Variants in ATP10D observed in about 807,000 individuals in gnomAD.
The protein encoded by ATP10D is phospholipid-transporting ATPase VD.
ATP10D carries 89 observed loss-of-function variants against 144.8 expected under a neutral mutation model. The observed-to-expected ratio is 0.61, with a 90% CI of 0.52 to 0.73. The LOEUF (loss-of-function observed/expected upper bound fraction) is 0.73. Among genes scored for constraint, ATP10D ranks in the 30% least tolerant of loss-of-function variants. The pLI is 0.00. For synonymous variants in ATP10D, 571 were observed against 615.1 expected (o/e 0.93, Z 1.06); for missense variants, 1,603 against 1,714.8 (o/e 0.93, Z 1.15).
At chr4:47,579,483 C>A (rs1378446407) in intron 19 of ATP10D, among the ~76,000 whole-genome samples, 1 of 152,140 alleles carries the variant, frequency 6.6e-6, no homozygotes, top group Middle Eastern at 3.2e-3. Context: ...GTGGGCACAG[C>A]TTTTAGACTG....
rs537244517 is a variant in ATP10D at position 47,572,296 on chromosome 4, A to G, written c.3240+66A>G. On this transcript the variant is annotated intron_variant, in intron 17 of 22. Coordinates refer to ENST00000273859, the MANE Select transcript of ATP10D (RefSeq NM_020453.4). Reference sequence around the variant, plus strand: ...TGCCCATCCAAAGGCAGCATTCTCCATGGTAAATTCTCTGTGGCAGAGTGA... The same window carrying G: ...TGCCCATCCAAAGGCAGCATTCTCCGTGGTAAATTCTCTGTGGCAGAGTGA... The G allele has an allele frequency of 4.9e-6, 7 of 1,426,262 alleles. No individual in the cohort carries two copies. In the Admixed American group the frequency reaches 6.7e-5, roughly 14 times the overall value. The allele number at this position is 1,426,262 out of a possible 1,614,324, so 88.4% of individuals were successfully genotyped here.
intron 3 of ATP10D, among the ~76,000 whole-genome samples, chr4:47,516,678 T>C (rs577371388): frequency 6.6e-6 from 1 of 152,354 alleles, no homozygotes; most frequent in Admixed American, 6.5e-5. Context: ...TTATGATCTA[T>C]CAAGAAAACA....
intron 1 of ATP10D, among the ~76,000 whole-genome samples, chr4:47,493,564 A>T (rs532312302): frequency 1.3e-5 from 2 of 152,012 alleles, no homozygotes; most frequent in East Asian, 3.8e-4. Context: ...TTAGTGTATG[A>T]CATGCACTTT....
chr4:47,507,019 A>G (rs1482073270), intron 1 of ATP10D, among the ~76,000 whole-genome samples: 1 of 152,204 alleles, frequency 6.6e-6, no homozygotes, highest in African/African-American at 2.4e-5. Flanking sequence ...TTAGTTGCCT[A>G]GAAGCCTCCC....
chr4:47,576,755 CCTT>C lies in ATP10D; in HGVS notation c.3367-14_3367-12del, dbSNP rs768510168. On this transcript the variant is annotated splice_polypyrimidine_tract_variant and intron_variant, in intron 18 of 22. Coordinates refer to ENST00000273859, the MANE Select transcript of ATP10D (RefSeq NM_020453.4). ...ATTACTGATTCTAAGATCTGAATGT[CCTT>C]CTTTGTGTCTCTAGGCCTATGTGAA... is the stretch of plus-strand genomic sequence containing the variant. 2 of 1,606,390 alleles carry C rather than the reference CCTT, an allele frequency of 1.2e-6. No individual in the cohort carries two copies. The highest frequency in any genetic ancestry group is 2.2e-5 in the South Asian group (2 of 90,842).
Position 47,492,315 on chromosome 4 carries a change from T to C in ATP10D, c.-38+6796T>C, listed in dbSNP as rs35103500. ...GTCAAACTTGTGTTCATTCTGCTAA[T>C]TGCTATTAGCAATTTGTTGCAGTTT... On this transcript the variant is annotated intron_variant, in intron 1 of 22. Coordinates refer to ENST00000273859, the MANE Select transcript of ATP10D (RefSeq NM_020453.4). Among the ~76,000 whole-genome samples the C allele has an allele frequency of 7.9e-3, 1,206 of 152,356 alleles. 10 individuals are homozygous for C. Among genetic ancestry groups the C allele is most frequent in the Middle Eastern group, 0.027 (8 of 294 alleles).
rs1310508012 is a variant in ATP10D, at chr4:47,568,952, AC to A, written c.2970del (p.Ser991GlnfsTer29). On this transcript the variant is annotated frameshift_variant, in exon 16 of 23. Coordinates refer to ENST00000273859, the MANE Select transcript of ATP10D (RefSeq NM_020453.4). LOFTEE classifies it high-confidence loss of function. ...EDLLQPPVPR[D>X]SGLRAGLIIT... ...TTACTTCAGCCTCCTGTCCCCCGGGACTCAGGGTTACGAGCTGGACTCATTA... is the reference window on the plus strand; with the variant it reads ...TTACTTCAGCCTCCTGTCCCCCGGGATCAGGGTTACGAGCTGGACTCATTA... The A allele has an allele frequency of 5.0e-6, 8 of 1,614,014 alleles. No homozygotes were observed. Among genetic ancestry groups the A allele is most frequent in the Non-Finnish European group, 5.9e-6 (7 of 1,179,984 alleles).
chr4:47,558,067 C>T lies in ATP10D; in HGVS notation c.2228C>T (p.Thr743Ile), dbSNP rs1185673663. The change falls in exon 12 of 23, where the codon ACT (threonine) becomes ATT (isoleucine). Residue 743 changes from threonine (T) to isoleucine (I), a missense_variant. By Grantham distance (89) the Thr-to-Ile change is moderately conservative. Coordinates refer to ENST00000273859, the MANE Select transcript of ATP10D (RefSeq NM_020453.4). ...TATGCCGCCAGGGCTTACCAATGCA[C>T]TTTACGGTCTCGGACACCAGAGCAG... ...LVYAARAYQCTLRSRTPEQVM... is the reference protein window; with the variant it reads ...LVYAARAYQCILRSRTPEQVM... 1.9e-6 allele frequency: 3 copies of T among 1,614,238 alleles called. No homozygotes were observed. Among genetic ancestry groups the T allele is most frequent in the Non-Finnish European group, 2.5e-6 (3 of 1,180,044 alleles).
Position 47,536,817 on chromosome 4 carries a change from C to T in ATP10D, c.1275C>T (p.Ile425=), listed in dbSNP as rs753814845. 20 of 1,613,034 alleles carry T rather than the reference C, an allele frequency of 1.2e-5. No individual in the cohort carries two copies. The highest frequency in any genetic ancestry group is 1.6e-4 in the Middle Eastern group (1 of 6,082). Reference sequence around the variant, plus strand: ...TTGTTCAGTGCCGAGCCCTGAACATCGCCGAGGATCTGGGACAGATTCAGT... The same window carrying T: ...TTGTTCAGTGCCGAGCCCTGAACATTGCCGAGGATCTGGGACAGATTCAGT... The part of the protein sequence containing the change: ...DSIVQCRALN[I]AEDLGQIQYL... Residue 425 remains isoleucine, a synonymous_variant, in exon 9 of 23, where the codon ATC becomes ATT. Transcript: ENST00000273859.
intron 1 of ATP10D, among the ~76,000 whole-genome samples, chr4:47,497,492 C>A (rs1031262628): frequency 6.6e-6 from 1 of 151,876 alleles, no homozygotes; most frequent in Admixed American, 6.6e-5. Context: ...AATAATGGAA[C>A]TTGTTAGGGT....
intron 9 of ATP10D, among the ~76,000 whole-genome samples, chr4:47,538,817 G>T (rs959473729): frequency 8.5e-5 from 13 of 152,200 alleles, no homozygotes; most frequent in African/African-American, 3.1e-4. Flanking sequence ...CAACAGCAGA[G>T]CAGTTTGCTT....
chr4:47,505,112 T>G (rs539663138), intron 1 of ATP10D, among the ~76,000 whole-genome samples: 1 of 152,362 alleles, frequency 6.6e-6, no homozygotes, highest in South Asian at 2.1e-4. Flanking sequence ...AACAATCTTT[T>G]GTATAAACTA....
At chr4:47,564,581 CAT>C (rs1719500275) in intron 15 of ATP10D, among the ~76,000 whole-genome samples, 1 of 152,096 alleles carries the variant, frequency 6.6e-6, no homozygotes, top group South Asian at 2.1e-4. Context: ...CCGAGAATAT[CAT>C]AAGTTTGAAG....
chr4:47,554,282 C>G (rs1718865945), intron 10 of ATP10D, among the ~76,000 whole-genome samples: 2 of 152,114 alleles, frequency 1.3e-5, no homozygotes, highest in Admixed American at 1.3e-4. Context: ...ATAGCAGTAA[C>G]TTGAACCATA....
At chr4:47,576,680 G>A in intron 18 of ATP10D, 93 bp from the exon 19 acceptor site, 5 of 1,193,552 alleles carry the variant, frequency 4.2e-6, no homozygotes, top group South Asian at 2.7e-5. Flanking sequence ...GAGAGGCTGA[G>A]GTCACCCAGC....
chr4:47,559,139 C>A, intron 13 of ATP10D, 110 bp downstream of exon 13: 1 of 726,476 alleles, frequency 1.4e-6, no homozygotes. Context: ...GGAAAGTCCC[C>A]TGGACACTGG....
chr4:47,520,549 T>G (rs919811447), intron 3 of ATP10D, among the ~76,000 whole-genome samples: 4 of 151,990 alleles, frequency 2.6e-5, no homozygotes, highest in African/African-American at 7.3e-5. Flanking sequence ...ATATTCTACT[T>G]CGGTAACTTC....
chr4:47,560,972 A>G lies in ATP10D; in HGVS notation c.2565A>G (p.Ala855=). 6.2e-7 allele frequency: 1 copy of G among 1,614,170 alleles called. No homozygotes were observed. The highest frequency in any genetic ancestry group is 1.1e-5 in the South Asian group (1 of 91,086). The change falls in exon 14 of 23, where the codon GCA becomes GCG. Residue 855 remains alanine (A), a synonymous_variant. Transcript: ENST00000273859. ...AKKVMSDTEY[A]EWLRNHFLAE... ...AGGTCATGAGTGACACTGAATATGC[A>G]GAGTGGCTGAGGAATCATTTTTTAG...
intron 11 of ATP10D, among the ~76,000 whole-genome samples, chr4:47,555,134 G>A (rs1718914959): frequency 6.6e-6 from 1 of 152,216 alleles, no homozygotes; most frequent in Non-Finnish European, 1.5e-5. Flanking sequence ...TGGCCTGTTA[G>A]GAACCAGTCT....
Sources: gnomAD v4.1 joint callset for allele counts (sites outside exome capture counted in the v4.1 genomes callset) on GRCh38, gnomAD v4.1.1 for gene constraint, MANE v1.5 for transcripts, NCBI Gene and HGNC (gene_info 2026-07-23, HGNC 2026-07-21) for gene names.